SGPL1: variants seen among roughly 807,000 people sequenced by gnomAD.
The protein encoded by SGPL1 is sphingosine-1-phosphate lyase 1.
A neutral mutation model predicts 68.9 loss-of-function variants in SGPL1; 37 were observed. The ratio of observed to expected loss-of-function variants is 0.54; its 90% CI spans 0.41 to 0.71. The LOEUF (loss-of-function observed/expected upper bound fraction) is 0.71, where lower values mean the gene tolerates loss of function less well. SGPL1 is among the 30% of genes least tolerant of loss of function. The probability of loss-of-function intolerance (pLI) is 0.00; values close to 1 mark genes in which losing one functional copy is unlikely to be tolerated. For synonymous variants in SGPL1, 236 were observed against 248.5 expected (o/e 0.95, Z 0.47); for missense variants, 551 against 704.6 (o/e 0.78, Z 2.47).
chr10:70,855,139 A>C (rs72818110), intron 5 of SGPL1, among the ~76,000 whole-genome samples: 9,154 of 152,350 alleles, frequency 0.06, 408 homozygotes, highest in African/African-American at 0.13. Context: ...AGAGAATATA[A>C]GATATGTAAT....
intron 7 of SGPL1, among the ~76,000 whole-genome samples, chr10:70,865,204 C>T (rs1846159118): frequency 1.4e-5 from 2 of 143,578 alleles, no homozygotes; most frequent in Non-Finnish European, 3.0e-5. Context: ...TCTGCTGTTT[C>T]ACTGTTTCTT....
chr10:70,822,565 C>T (rs1376974373), intron 2 of SGPL1, among the ~76,000 whole-genome samples: 1 of 152,084 alleles, frequency 6.6e-6, no homozygotes, highest in African/African-American at 2.4e-5. Context: ...TGTACAGAAC[C>T]CAATTACTGA....
chr10:70,878,367 A>G lies in SGPL1; in HGVS notation c.*1032A>G, dbSNP rs1846436688. 1 of 152,184 alleles carries G rather than the reference A, an allele frequency of 6.6e-6. No homozygotes were observed. The highest frequency in any genetic ancestry group is 2.1e-4 in the South Asian group (1 of 4,822). The allele number at this position is 152,184 out of a possible 1,614,324, so 9.4% of individuals were successfully genotyped here. On this transcript the variant is annotated 3_prime_UTR_variant, in exon 15 of 15. Coordinates refer to ENST00000373202, the MANE Select transcript of SGPL1 (RefSeq NM_003901.4). ...GATTATTGTTTGGAATGATGCTTCC[A>G]TTGGCTTTTTCTTGTTACCATGGAC...
intron 8 of SGPL1, chr10:70,869,445 A>C (rs1273877360): frequency 6.3e-6 from 1 of 159,404 alleles, no homozygotes; most frequent in Non-Finnish European, 1.4e-5. Flanking sequence ...TTGGTAGGCA[A>C]CCGTTAGCCA....
At position 70,854,862 on chromosome 10, in the gene SGPL1, T is replaced by C. The variant is rs1048854814; in HGVS notation, c.409+7T>C. ...AAGGAGTACAGCTCTATGGGTATGA[T>C]GCTTGGCATATACATGCTCTCTACT... On this transcript the variant is annotated splice_region_variant and intron_variant, in intron 5 of 14. Coordinates refer to ENST00000373202, the MANE Select transcript of SGPL1 (RefSeq NM_003901.4). 1 of 1,593,218 alleles carries C rather than the reference T, an allele frequency of 6.3e-7. No homozygotes were observed. The highest frequency in any genetic ancestry group is 2.2e-5 in the East Asian group (1 of 44,606).
chr10:70,865,827 G>A (rs1031664305), intron 7 of SGPL1, among the ~76,000 whole-genome samples: 3 of 152,290 alleles, frequency 2.0e-5, no homozygotes, highest in Non-Finnish European at 4.4e-5. Context: ...TTCTTGGCTT[G>A]TGCTAATGTT....
At chr10:70,862,130 T>A (rs1846074476) in intron 7 of SGPL1, among the ~76,000 whole-genome samples, 1 of 152,254 alleles carries the variant, frequency 6.6e-6, no homozygotes, top group Non-Finnish European at 1.5e-5. Context: ...CTCCTGAGTC[T>A]GGTGGAGCCT....
intron 3 of SGPL1, 86 bp downstream of exon 3, chr10:70,844,724 C>T: frequency 7.8e-7 from 1 of 1,285,322 alleles, no homozygotes; most frequent in Non-Finnish European, 1.1e-6. Flanking sequence ...AATTTATTGC[C>T]TTTTGGTTGT....
chr10:70,846,651 A>G (rs1845796678), intron 3 of SGPL1, among the ~76,000 whole-genome samples: 1 of 152,232 alleles, frequency 6.6e-6, no homozygotes, highest in Admixed American at 6.5e-5. Flanking sequence ...TGTTTTACAA[A>G]TGTACTACAA....
intron 3 of SGPL1, among the ~76,000 whole-genome samples, chr10:70,847,871 G>C (rs1220806421): frequency 1.3e-5 from 2 of 152,204 alleles, no homozygotes; most frequent in Non-Finnish European, 2.9e-5. Context: ...GTCTGGACTA[G>C]TGATGAATTT....
In SGPL1 at chr10:70,877,321, C is replaced by T. The variant is rs77130902; in HGVS notation, c.1693C>T (p.Pro565Ser). 1,292 of 1,614,192 alleles carry T rather than the reference C, an allele frequency of 8.0e-4. 9 individuals carry two copies. The African/African-American group carries it at 0.012, about 16-fold the overall frequency. The stretch of plus-strand genomic sequence containing the variant: ...CCAGGGCAGCCAGATGAATGGTTCT[C>T]CAAAACCCCACTGAACTTGGACCCT... The part of the protein sequence containing the change: ...VTQGSQMNGS[P>S]KPH Residue 565 changes from proline to serine, a missense_variant, in exon 15 of 15, where the codon CCA becomes TCA. Coordinates refer to ENST00000373202, the MANE Select transcript of SGPL1 (RefSeq NM_003901.4).
intron 2 of SGPL1, among the ~76,000 whole-genome samples, chr10:70,842,842 TTTACTTGGGCACTG>T (rs1845737138): frequency 6.6e-6 from 1 of 152,206 alleles, no homozygotes; most frequent in South Asian, 2.1e-4. Flanking sequence ...TGTTCACTCA[TTTACTTGGGCACTG>T]TTACTTGGGC....
Position 70,825,344 on chromosome 10 carries a change from G to A in SGPL1, c.27+8464G>A, listed in dbSNP as rs556379627. The stretch of plus-strand genomic sequence containing the variant: ...GTCTGGTTGATTTAATTCAGAGGGT[G>A]GAATCCGGAGGCACATAGCCGAGCT... On this transcript the variant is annotated intron_variant, in intron 2 of 14. Coordinates refer to ENST00000373202, the MANE Select transcript of SGPL1 (RefSeq NM_003901.4). Among the ~76,000 whole-genome samples, 96 of 152,288 alleles carry A rather than the reference G, an allele frequency of 6.3e-4. 1 individual carries two copies. Among genetic ancestry groups the A allele is most frequent in the African/African-American group, 2.1e-3 (89 of 41,560 alleles).
At chr10:70,869,255 T>C (rs1398968672) in intron 8 of SGPL1, 1 of 152,494 alleles carries the variant, frequency 6.6e-6, no homozygotes, top group Admixed American at 6.5e-5. Context: ...CTTTCAACAC[T>C]ATTTGAAATA....
At chr10:70,839,473 C>T (rs915562805) in intron 2 of SGPL1, among the ~76,000 whole-genome samples, 1 of 152,102 alleles carries the variant, frequency 6.6e-6, no homozygotes, top group Non-Finnish European at 1.5e-5. Flanking sequence ...CCCTGTCCCC[C>T]TTCCCTGCCC....
At chr10:70,822,690 C>T (rs1040241953) in intron 2 of SGPL1, among the ~76,000 whole-genome samples, 3 of 151,926 alleles carry the variant, frequency 2.0e-5, no homozygotes, top group Admixed American at 6.6e-5. Context: ...AATCCAACAG[C>T]GTACTAAGGG....
chr10:70,851,156 G>C lies in SGPL1; in HGVS notation c.207G>C (p.Arg69Ser). The C allele has an allele frequency of 1.2e-6, 2 of 1,613,644 alleles. No individual in the cohort carries two copies. The highest frequency in any genetic ancestry group is 1.7e-6 in the Non-Finnish European group (2 of 1,179,610). ...TGTTTCTTTTAGGTTTATGGTCAAG[G>C]TTTAAAAAGAAATGTTTTAAGCTCA... ...FVFQPESLWSRFKKKCFKLTR... is the reference protein window; with the variant it reads ...FVFQPESLWSSFKKKCFKLTR... The change falls in exon 4 of 15, where the codon AGG becomes AGC. Residue 69 changes from arginine to serine, a missense_variant. Coordinates refer to ENST00000373202, the MANE Select transcript of SGPL1 (RefSeq NM_003901.4).
In SGPL1 at chr10:70,854,865, T is replaced by A; in HGVS notation, c.409+10T>A. On this transcript the variant is annotated intron_variant, in intron 5 of 14. Transcript: ENST00000373202. Reference sequence around the variant, plus strand: ...GAGTACAGCTCTATGGGTATGATGCTTGGCATATACATGCTCTCTACTTCC... The same window carrying A: ...GAGTACAGCTCTATGGGTATGATGCATGGCATATACATGCTCTCTACTTCC... 6.3e-7 allele frequency: 1 copy of A among 1,591,644 alleles called. No homozygotes were observed.
At chr10:70,843,063 CTT>C (rs1344684227) in intron 2 of SGPL1, among the ~76,000 whole-genome samples, 1 of 152,182 alleles carries the variant, frequency 6.6e-6, no homozygotes, top group Non-Finnish European at 1.5e-5. Flanking sequence ...TCTGGTATGA[CTT>C]TTTTCCTTTT....
Sources: gnomAD v4.1 joint callset for allele counts (sites outside exome capture counted in the v4.1 genomes callset) on GRCh38, gnomAD v4.1.1 for gene constraint, MANE v1.5 for transcripts, NCBI Gene and HGNC (gene_info 2026-07-23, HGNC 2026-07-21) for gene names.